CXCL14: variants seen among roughly 807,000 people sequenced by gnomAD.
CXCL14 encodes C-X-C motif chemokine ligand 14.
CXCL14 carries 9 observed loss-of-function variants against 16.1 expected under a neutral mutation model. The observed-to-expected ratio is 0.56, with a 90% confidence interval of 0.34 to 0.97. The LOEUF (loss-of-function observed/expected upper bound fraction) is 0.97. CXCL14 is among the 50% of genes least tolerant of loss of function. The probability of loss-of-function intolerance (pLI) is 0.02; values close to 1 mark genes in which losing one functional copy is unlikely to be tolerated. For missense variants in CXCL14, 111 were observed against 132.5 expected, an observed-to-expected ratio of 0.84 and a Z score of 0.80; for synonymous variants, 55 against 52.8, an observed-to-expected ratio of 1.04 and a Z score of -0.18.
Position 135,574,661 on chromosome 5 carries a change from C to T in CXCL14, c.195G>A (p.Arg65=), listed in dbSNP as rs773665537. 1.2e-6 allele frequency: 2 copies of T among 1,613,824 alleles called. No homozygotes were observed. The highest frequency in any genetic ancestry group is 2.2e-5 in the East Asian group (1 of 44,874). The change falls in exon 3 of 4, where the codon AGG becomes AGA. Residue 65 remains arginine, a synonymous_variant. Coordinates refer to ENST00000512158, the MANE Select transcript of CXCL14 (RefSeq NM_004887.5). The part of the protein sequence containing the change: ...MVIITTKSVS[R]YRGQEHCLHP... ...GCAGGCAGTGCTCCTGACCTCGGTA[C>T]CTGGACACGCTCTTGGTGGTGATGC... is the stretch of plus-strand genomic sequence containing the variant.
In CXCL14 at chr5:135,574,713, G is replaced by A. The variant is rs373520365; in HGVS notation, c.171-28C>T. 1.1e-5 allele frequency: 17 copies of A among 1,567,032 alleles called. No homozygotes were observed. In the African/African-American group the frequency reaches 2.2e-4, roughly 20 times the overall value. On this transcript the variant is annotated intron_variant, in intron 2 of 3. Coordinates refer to ENST00000512158, the MANE Select transcript of CXCL14 (RefSeq NM_004887.5). ...GAAACGGAGCAGGATGAGGTGGAGGGTTGAGGAGCCTGAATAACATGTTGC... is the reference window on the plus strand; with the variant it reads ...GAAACGGAGCAGGATGAGGTGGAGGATTGAGGAGCCTGAATAACATGTTGC...
chr5:135,577,506 G>T (rs1375816071), intron 2 of CXCL14, among the ~76,000 whole-genome samples: 1 of 152,252 alleles, frequency 6.6e-6, no homozygotes, highest in Non-Finnish European at 1.5e-5. Context: ...CTGGGTAGGG[G>T]TGTGCACTGC....
chr5:135,571,767 TTTTTTTTTTTTTTTTTTTA>T lies in CXCL14; in HGVS notation c.*67_*85del. ...CTTTTTTTTTTTTTTTTTTTTTTTT[TTTTTTTTTTTTTTTTTTTA>T]ATCTGCAAAGTCCTTTGCACAAGTC... On this transcript the variant is annotated 3_prime_UTR_variant, in exon 4 of 4. Coordinates refer to ENST00000512158, the MANE Select transcript of CXCL14 (RefSeq NM_004887.5). 7.7e-6 allele frequency: 2 copies of T among 261,090 alleles called. No individual in the cohort carries two copies. Among genetic ancestry groups the T allele is most frequent in the Non-Finnish European group, 1.4e-5 (2 of 147,544 alleles). The allele number at this position is 261,090 out of a possible 1,614,324, so 16.2% of individuals were successfully genotyped here.
At chr5:135,578,685 A>T in intron 1 of CXCL14, 30 bp downstream of exon 1, 1 of 1,555,712 alleles carries the variant, frequency 6.4e-7, no homozygotes, top group Non-Finnish European at 8.7e-7. Context: ...ACAAGACGAG[A>T]CGGCGACAAG....
chr5:135,574,642 A>T lies in CXCL14; in HGVS notation c.214T>A (p.Cys72Ser), dbSNP rs781182895. ...GTGCTCTGCAGCTTGGGGTGCAGGCAGTGCTCCTGACCTCGGTACCTGGAC... is the reference window on the plus strand; with the variant it reads ...GTGCTCTGCAGCTTGGGGTGCAGGCTGTGCTCCTGACCTCGGTACCTGGAC... ...SVSRYRGQEHCLHPKLQSTKR... is the reference protein window; with the variant it reads ...SVSRYRGQEHSLHPKLQSTKR... The change falls in exon 3 of 4, where the codon TGC becomes AGC. Residue 72 changes from cysteine (C) to serine (S), a missense_variant. Coordinates refer to ENST00000512158, the MANE Select transcript of CXCL14 (RefSeq NM_004887.5). 6.2e-7 allele frequency: 1 copy of T among 1,613,716 alleles called. No homozygotes were observed. Among genetic ancestry groups the T allele is most frequent in the South Asian group, 1.1e-5 (1 of 91,032 alleles).
At chr5:135,574,977 C>T (rs541791327) in intron 2 of CXCL14, among the ~76,000 whole-genome samples, 1 of 152,150 alleles carries the variant, frequency 6.6e-6, no homozygotes, top group Non-Finnish European at 1.5e-5. Flanking sequence ...CACCCCCAAC[C>T]TCATGCAGTG....
Position 135,574,668 on chromosome 5 carries a change from A to G in CXCL14, c.188T>C (p.Val63Ala). 1 of 1,613,442 alleles carries G rather than the reference A, an allele frequency of 6.2e-7. No homozygotes were observed. Among genetic ancestry groups the G allele is most frequent in the Non-Finnish European group, 8.5e-7 (1 of 1,179,724 alleles). ...EKMVIITTKSVSRYRGQEHCL... is the reference protein window; with the variant it reads ...EKMVIITTKSASRYRGQEHCL... Reference sequence around the variant, plus strand: ...GTGCTCCTGACCTCGGTACCTGGACACGCTCTTGGTGGTGATGCTGAAACG... The same window carrying G: ...GTGCTCCTGACCTCGGTACCTGGACGCGCTCTTGGTGGTGATGCTGAAACG... The change falls in exon 3 of 4, where the codon GTG becomes GCG. Residue 63 changes from valine to alanine, a missense_variant. Coordinates refer to ENST00000512158, the MANE Select transcript of CXCL14 (RefSeq NM_004887.5).
intron 2 of CXCL14, among the ~76,000 whole-genome samples, chr5:135,576,622 G>A (rs1751102159): frequency 6.6e-6 from 1 of 152,158 alleles, no homozygotes; most frequent in Non-Finnish European, 1.5e-5. Flanking sequence ...GTGGGGGTAA[G>A]GGTTTTGGTG....
intron 2 of CXCL14, 148 bp downstream of exon 2, chr5:135,578,286 A>T: frequency 1.5e-6 from 1 of 665,916 alleles, no homozygotes. Flanking sequence ...CAGCGTCCTA[A>T]GGACTCTCTG....
chr5:135,578,950 G>C lies in CXCL14; in HGVS notation c.-172C>G, dbSNP rs1751168602. 1.6e-6 allele frequency: 1 copy of C among 638,030 alleles called. No individual in the cohort carries two copies. Among genetic ancestry groups the C allele is most frequent in the Non-Finnish European group, 2.5e-6 (1 of 402,042 alleles). The allele number at this position is 638,030 out of a possible 1,614,324, so 39.5% of individuals were successfully genotyped here. On this transcript the variant is annotated 5_prime_UTR_variant, in exon 1 of 4. Transcript: ENST00000512158. ...CGGTGGATGCCCAGGGCTGTCTGTG[G>C]CCGTGCGCTGCGCTCTGCGCTTGTC...
chr5:135,573,327 A>G (rs965398665), intron 3 of CXCL14, among the ~76,000 whole-genome samples: 1 of 152,256 alleles, frequency 6.6e-6, no homozygotes, highest in African/African-American at 2.4e-5. Flanking sequence ...GCAGATTTAT[A>G]GAAAATAATT....
intron 3 of CXCL14, 149 bp from the exon 4 acceptor site, chr5:135,572,017 CCTT>C: frequency 1.4e-6 from 1 of 728,256 alleles, no homozygotes; most frequent in South Asian, 1.8e-5. Context: ...TGGGAGGGAT[CCTT>C]CTGAGGATGT....
At chr5:135,574,725 GAATA>G in intron 2 of CXCL14, 40 bp from the exon 3 acceptor site, 1 of 1,517,684 alleles carries the variant, frequency 6.6e-7, no homozygotes. Flanking sequence ...TGAGGAGCCT[GAATA>G]ACATGTTGCC....
At chr5:135,573,655 G>A (rs1267192968) in intron 3 of CXCL14, among the ~76,000 whole-genome samples, 3 of 152,112 alleles carry the variant, frequency 2.0e-5, no homozygotes, top group Non-Finnish European at 4.4e-5. Context: ...CTCTGCAGCA[G>A]GGGTGCTGGC....
intron 2 of CXCL14, 64 bp downstream of exon 2, chr5:135,578,370 G>A (rs1256863624): frequency 1.4e-6 from 2 of 1,381,818 alleles, no homozygotes; most frequent in Non-Finnish European, 2.1e-6. Flanking sequence ...CCAGGCCCAG[G>A]CTGTGCCCTG....
At chr5:135,572,295 G>C (rs1243136314) in intron 3 of CXCL14, among the ~76,000 whole-genome samples, 1 of 152,206 alleles carries the variant, frequency 6.6e-6, no homozygotes, top group Admixed American at 6.5e-5. Context: ...TCTCTATTTA[G>C]AGAAAATAGC....
intron 2 of CXCL14, among the ~76,000 whole-genome samples, chr5:135,575,969 TA>T (rs1335375850): frequency 1.3e-5 from 2 of 152,204 alleles, no homozygotes; most frequent in East Asian, 3.8e-4. Context: ...TTATATGGGC[TA>T]AGTTCTAGAA....
At chr5:135,572,355 T>C (rs758977550) in intron 3 of CXCL14, among the ~76,000 whole-genome samples, 4 of 152,242 alleles carry the variant, frequency 2.6e-5, no homozygotes, top group Non-Finnish European at 5.9e-5. Flanking sequence ...TATTTCTTTG[T>C]ATTTTGCCCA....
intron 3 of CXCL14, 113 bp from the exon 4 acceptor site, chr5:135,571,981 A>T: frequency 1.9e-6 from 2 of 1,044,344 alleles, no homozygotes; most frequent in South Asian, 2.8e-5. Context: ...CCCCTGTCCC[A>T]GAACTGCAGG....
Sources: gnomAD v4.1 joint callset for allele counts (sites outside exome capture counted in the v4.1 genomes callset) on GRCh38, gnomAD v4.1.1 for gene constraint, MANE v1.5 for transcripts, NCBI Gene and HGNC (gene_info 2026-07-23, HGNC 2026-07-21) for gene names.